Variants in TTC4 observed in about 807,000 individuals in gnomAD.
TTC4 encodes the protein hsp70/Hsp90 co-chaperone CNS1 homolog.
Under a neutral mutation model 51.9 loss-of-function variants are expected in TTC4, and 36 were observed. The observed-to-expected ratio is 0.69, with a 90% CI of 0.53 to 0.92. The LOEUF is 0.92. TTC4 is among the 40% of genes least tolerant of loss of function. The probability of loss-of-function intolerance (pLI) is 0.00; values close to 1 mark genes in which losing one functional copy is unlikely to be tolerated. For missense variants in TTC4, 399 were observed against 454.6 expected (o/e 0.88, Z 1.11); for synonymous variants, 144 against 164.2 (o/e 0.88, Z 0.94).
At chr1:54,730,807 T>TTA (rs1570052777) in intron 6 of TTC4, among the ~76,000 whole-genome samples, 1 of 151,802 alleles carries the variant, frequency 6.6e-6, no homozygotes, top group Admixed American at 6.6e-5. Context: ...TTTTTTTTTT[T>TTA]ATCTTTTCTG....
chr1:54,723,016 G>C (rs1190723489), intron 5 of TTC4, among the ~76,000 whole-genome samples: 1 of 152,214 alleles, frequency 6.6e-6, no homozygotes, highest in Non-Finnish European at 1.5e-5. Flanking sequence ...GTACAGTCAT[G>C]TGCCACATAA....
chr1:54,730,891 C>T (rs1376530653), intron 6 of TTC4, among the ~76,000 whole-genome samples: 1 of 151,796 alleles, frequency 6.6e-6, no homozygotes, highest in Non-Finnish European at 1.5e-5. Context: ...TCCAACTTCT[C>T]TGCTTTTCAA....
intron 3 of TTC4, among the ~76,000 whole-genome samples, chr1:54,718,960 A>T (rs1163537016): frequency 6.6e-6 from 1 of 151,876 alleles, no homozygotes; most frequent in Non-Finnish European, 1.5e-5. Flanking sequence ...GAATGCTTTG[A>T]TATTTTTCTT....
chr1:54,716,630 A>G lies in TTC4; in HGVS notation c.142A>G (p.Arg48Gly), dbSNP rs145266091. 1,493 of 1,613,702 alleles carry G rather than the reference A, an allele frequency of 9.3e-4. 23 individuals carry two copies. The South Asian group carries it at 0.013, about 14-fold the overall frequency. The change falls in exon 2 of 10, where the codon AGA becomes GGA. Residue 48 changes from arginine (R) to glycine (G), a missense_variant. Arg to Gly is a moderately radical substitution (Grantham distance 125, BLOSUM62 -2). This residue lies in a region of TTC4 where 316 missense variants were observed against 349.6 expected (regional missense o/e 0.90). Transcript: ENST00000371281. ...TGAAAAGGTCCCCCTATTTATGTCG[A>G]GAGCGCCATCAGAAATTGATCCCAG... ...EFEKVPLFMS[R>G]APSEIDPREN... is the part of the protein sequence containing the mutation.
intron 5 of TTC4, among the ~76,000 whole-genome samples, chr1:54,724,733 T>G (rs1645780488): frequency 6.6e-6 from 1 of 152,154 alleles, no homozygotes; most frequent in African/African-American, 2.4e-5. Context: ...ATATCAACTA[T>G]CTCAGTAATT....
At chr1:54,718,035 A>G (rs1645696722) in intron 3 of TTC4, among the ~76,000 whole-genome samples, 1 of 152,160 alleles carries the variant, frequency 6.6e-6, no homozygotes, top group African/African-American at 2.4e-5. Flanking sequence ...GAGATAAGCT[A>G]TTTTAATCTA....
At chr1:54,722,474 C>T (rs1570038311) in intron 4 of TTC4, among the ~76,000 whole-genome samples, 1 of 152,158 alleles carries the variant, frequency 6.6e-6, no homozygotes, top group Non-Finnish European at 1.5e-5. Context: ...GAGTTTTGAA[C>T]TAAATGGACC....
chr1:54,729,021 C>A (rs76338382), intron 6 of TTC4, among the ~76,000 whole-genome samples: 7,970 of 152,264 alleles, frequency 0.052, 537 homozygotes, highest in African/African-American at 0.14. Flanking sequence ...TTCTATTTGG[C>A]ATATCCGAAT....
chr1:54,723,278 T>A (rs568574501), intron 5 of TTC4, among the ~76,000 whole-genome samples: 2 of 152,322 alleles, frequency 1.3e-5, no homozygotes, highest in African/African-American at 4.8e-5. Flanking sequence ...GTAAGTACAT[T>A]CCATGATGCT....
intron 3 of TTC4, 40 bp downstream of exon 3, chr1:54,717,693 C>T (rs770624352): frequency 5.5e-6 from 8 of 1,451,170 alleles, no homozygotes; most frequent in Non-Finnish European, 7.3e-6. Context: ...ACTTATGATA[C>T]AAGCCATTAT....
intron 4 of TTC4, among the ~76,000 whole-genome samples, 170 bp from the exon 5 acceptor site, chr1:54,722,505 G>C (rs1052663839): frequency 2.0e-5 from 3 of 152,088 alleles, no homozygotes; most frequent in Non-Finnish European, 2.9e-5. Context: ...TTCTGATTTA[G>C]GACACAAAAA....
intron 3 of TTC4, among the ~76,000 whole-genome samples, chr1:54,720,567 C>T (rs1284090897): frequency 6.6e-6 from 1 of 151,200 alleles, no homozygotes; most frequent in Non-Finnish European, 1.5e-5. Flanking sequence ...AACAGACATC[C>T]TACCGTGTTT....
chr1:54,730,318 C>A (rs1230628775), intron 6 of TTC4, among the ~76,000 whole-genome samples: 8 of 143,140 alleles, frequency 5.6e-5, no homozygotes, highest in Non-Finnish European at 1.2e-4. Context: ...TTTAGTGTAA[C>A]CCTTCATCTC....
intron 5 of TTC4, among the ~76,000 whole-genome samples, chr1:54,727,430 A>G (rs1301254907): frequency 4.6e-5 from 7 of 152,234 alleles, no homozygotes; most frequent in Non-Finnish European, 1.0e-4. Context: ...ATGAATCTTC[A>G]TGAACTTGGA....
At chr1:54,740,919 C>CT (rs1557755940) in intron 9 of TTC4, among the ~76,000 whole-genome samples, 1 of 152,162 alleles carries the variant, frequency 6.6e-6, no homozygotes, top group Non-Finnish European at 1.5e-5. Context: ...TCCAGGAAGC[C>CT]TTTTTTGATT....
intron 7 of TTC4, 87 bp downstream of exon 7, chr1:54,731,787 G>A: frequency 3.1e-6 from 4 of 1,296,012 alleles, no homozygotes; most frequent in Non-Finnish European, 4.3e-6. Flanking sequence ...TTTTGGTTGA[G>A]AAGGGAAGAT....
chr1:54,732,765 A>G (rs1645883236), intron 7 of TTC4, among the ~76,000 whole-genome samples: 1 of 151,350 alleles, frequency 6.6e-6, no homozygotes, highest in Non-Finnish European at 1.5e-5. Context: ...CCTACCAGAA[A>G]TGTTTTTAAC....
Position 54,733,711 on chromosome 1 carries a change from G to A in TTC4, c.978+1G>A. 6.5e-7 allele frequency: 1 copy of A among 1,549,970 alleles called. No individual in the cohort carries two copies. Among genetic ancestry groups the A allele is most frequent in the Middle Eastern group, 1.8e-4 (1 of 5,622 alleles). On this transcript the variant is annotated splice_donor_variant, in intron 8 of 9. Coordinates refer to ENST00000371281, the MANE Select transcript of TTC4 (RefSeq NM_004623.5). LOFTEE classifies it high-confidence loss of function. Reference sequence around the variant, plus strand: ...AAAATATTGCCCTGATAATTTGGAGGTAAGAGAAGTTTTATTTCGTTCCTC... The same window carrying A: ...AAAATATTGCCCTGATAATTTGGAGATAAGAGAAGTTTTATTTCGTTCCTC...
At position 54,716,007 on chromosome 1, in the gene TTC4, C is replaced by T; in HGVS notation, c.99C>T (p.Asp33=). ...SQPYRGGFHE[D]QWEKEFEKVP... ...CTTACCGTGGCGGCTTTCATGAGGA[C>T]CAGTGGGAGAAGGTGGGCGGTCCTG... Residue 33 remains aspartate (D), a synonymous_variant, in exon 1 of 10, where the codon GAC becomes GAT. Transcript: ENST00000371281. The T allele has an allele frequency of 6.3e-7, 1 of 1,590,254 alleles. No homozygotes were observed. Among genetic ancestry groups the T allele is most frequent in the Non-Finnish European group, 8.6e-7 (1 of 1,168,824 alleles).
Sources: allele counts gnomAD v4.1 joint callset (sites outside exome capture counted in the v4.1 genomes callset), GRCh38; gene constraint gnomAD v4.1.1; regional missense constraint gnomAD v4.1.1; transcripts MANE v1.5; gene names NCBI Gene and HGNC (gene_info 2026-07-23, HGNC 2026-07-21).